Variants in TMTC2 observed in about 807,000 individuals in gnomAD.
TMTC2 encodes the protein transmembrane O-mannosyltransferase targeting cadherins 2.
TMTC2 carries 43 observed loss-of-function variants against 82.4 expected under a neutral mutation model. That is an observed-to-expected ratio of 0.52 (90% CI 0.41 to 0.67). TMTC2 has a LOEUF of 0.67. Ranked by LOEUF, TMTC2 falls within the 30% of genes least tolerant of loss-of-function variation. The probability of loss-of-function intolerance (pLI) is 0.00; values close to 1 mark genes in which losing one functional copy is unlikely to be tolerated. For synonymous variants in TMTC2, 408 were observed against 381.9 expected (o/e 1.07, Z -0.80); for missense variants, 919 against 1,012.4 (o/e 0.91, Z 1.25).
At chr12:82,804,673 C>T (rs1879161945) in intron 1 of TMTC2, among the ~76,000 whole-genome samples, 1 of 152,044 alleles carries the variant, frequency 6.6e-6, no homozygotes, top group Non-Finnish European at 1.5e-5. Context: ...ATTGACATGT[C>T]AGTTTTCAGA....
intron 11 of TMTC2, among the ~76,000 whole-genome samples, chr12:83,096,461 G>A (rs1884033393): frequency 6.6e-6 from 1 of 152,144 alleles, no homozygotes; most frequent in Admixed American, 6.5e-5. Flanking sequence ...CTGAGACAGG[G>A]TAATTTATAA....
Position 83,095,193 on chromosome 12 carries a change from G to C in TMTC2, c.2331+33362G>C, listed in dbSNP as rs139842096. On this transcript the variant is annotated intron_variant, in intron 11 of 11. Transcript: ENST00000321196. The stretch of plus-strand genomic sequence containing the variant: ...CTTAAGTTTGATGTGGGATATGAGG[G>C]AAAGAGAAAAGCCAAAATTTCATGG... 1.3e-4 allele frequency among the ~76,000 whole-genome samples: 19 copies of C among 151,604 alleles called. No homozygotes were observed. The East Asian group carries it at 3.3e-3, about 26-fold the overall frequency.
intron 11 of TMTC2, among the ~76,000 whole-genome samples, chr12:83,089,839 AC>A (rs1316836982): frequency 5.5e-5 from 8 of 144,238 alleles, no homozygotes; most frequent in African/African-American, 1.7e-4. Context: ...AAAACAAAAA[AC>A]AAAAAACAAA....
intron 7 of TMTC2, among the ~76,000 whole-genome samples, 174 bp from the exon 8 acceptor site, chr12:82,985,751 G>A (rs1879126609): frequency 6.6e-6 from 1 of 152,128 alleles, no homozygotes; most frequent in Admixed American, 6.6e-5. Context: ...TTTTTCATCT[G>A]TAAAATGGGA....
At position 82,709,461 on chromosome 12, in the gene TMTC2, G is replaced by A. The variant is rs547865300; in HGVS notation, c.83+21792G>A. On this transcript the variant is annotated intron_variant, in intron 1 of 11. Transcript: ENST00000321196. ...ATTTGAAAAATGACTAATTTTATAT[G>A]CATGTGAAATGAAATTGTAAGTCCT... 4.6e-5 allele frequency among the ~76,000 whole-genome samples: 7 copies of A among 152,238 alleles called. No individual in the cohort carries two copies. In the East Asian group the frequency reaches 1.3e-3, roughly 29 times the overall value.
chr12:82,713,677 C>G (rs535373494), intron 1 of TMTC2, among the ~76,000 whole-genome samples: 2 of 152,190 alleles, frequency 1.3e-5, no homozygotes, highest in Non-Finnish European at 2.9e-5. Flanking sequence ...CCCACTGGGT[C>G]CCTCCCACAA....
At chr12:82,707,995 GA>G (rs1873446180) in intron 1 of TMTC2, among the ~76,000 whole-genome samples, 1 of 152,166 alleles carries the variant, frequency 6.6e-6, no homozygotes, top group Admixed American at 6.5e-5. Flanking sequence ...GTTTGTGTTG[GA>G]TTATTATCTG....
intron 1 of TMTC2, among the ~76,000 whole-genome samples, chr12:82,842,913 A>G (rs761410284): frequency 6.6e-6 from 1 of 152,108 alleles, no homozygotes; most frequent in Non-Finnish European, 1.5e-5. Flanking sequence ...TAAAGATCCT[A>G]TCTACAAATA....
At chr12:82,862,508 T>C (rs1871602422) in intron 2 of TMTC2, among the ~76,000 whole-genome samples, 1 of 152,246 alleles carries the variant, frequency 6.6e-6, no homozygotes, top group Non-Finnish European at 1.5e-5. Flanking sequence ...TTTGATGTTT[T>C]TAAAATTTCT....
chr12:82,945,794 G>T (rs1876961703), intron 4 of TMTC2, among the ~76,000 whole-genome samples: 1 of 152,056 alleles, frequency 6.6e-6, no homozygotes, highest in Non-Finnish European at 1.5e-5. Context: ...TAGTAATATT[G>T]TCTTTCACTT....
intron 11 of TMTC2, among the ~76,000 whole-genome samples, chr12:83,100,402 A>T (rs10735461): frequency 0.76 from 115,126 of 151,818 alleles, 43,666 homozygotes; most frequent in East Asian, 0.83. Context: ...TTGTTTTTTG[A>T]TTGTTTGTCT....
chr12:82,961,111 T>C (rs896972295), intron 4 of TMTC2, among the ~76,000 whole-genome samples: 1 of 151,560 alleles, frequency 6.6e-6, no homozygotes, highest in African/African-American at 2.4e-5. Flanking sequence ...ATATCCTACC[T>C]CTTAAGATTA....
intron 3 of TMTC2, among the ~76,000 whole-genome samples, chr12:82,929,819 C>T (rs558699104): frequency 8.5e-5 from 13 of 152,148 alleles, no homozygotes; most frequent in African/African-American, 3.1e-4. Flanking sequence ...ACAAAGGGTA[C>T]ACAGAAAATA....
intron 9 of TMTC2, among the ~76,000 whole-genome samples, chr12:83,045,220 T>TA (rs1330637541): frequency 6.6e-6 from 1 of 152,210 alleles, no homozygotes; most frequent in African/African-American, 2.4e-5. Context: ...CTTCCTTATT[T>TA]TATATCATCT....
intron 8 of TMTC2, among the ~76,000 whole-genome samples, chr12:83,000,477 C>T (rs1395008038): frequency 2.0e-5 from 3 of 152,194 alleles, no homozygotes; most frequent in East Asian, 3.9e-4. Context: ...TCCTTTGAAT[C>T]TATGTCTCAC....
intron 9 of TMTC2, among the ~76,000 whole-genome samples, chr12:83,045,727 G>GGGCACACACACACACACACACACACA (rs1437284307): frequency 1.4e-5 from 2 of 142,538 alleles, no homozygotes; most frequent in African/African-American, 5.3e-5. Context: ...ACACACACAC[G>GGGCACACACACACACACACACACACA]CACACACACA....
intron 1 of TMTC2, among the ~76,000 whole-genome samples, chr12:82,744,560 G>A (rs890089385): frequency 5.1e-5 from 7 of 136,422 alleles, no homozygotes; most frequent in Non-Finnish European, 1.5e-5. Flanking sequence ...ACTCCAGCCT[G>A]GGCGACAGAG....
chr12:82,786,792 G>A (rs1322786540), intron 1 of TMTC2, among the ~76,000 whole-genome samples: 1 of 152,108 alleles, frequency 6.6e-6, no homozygotes, highest in African/African-American at 2.4e-5. Context: ...TTGGGGTACT[G>A]TGAAGTCGGA....
intron 11 of TMTC2, among the ~76,000 whole-genome samples, chr12:83,127,547 C>T (rs944692318): frequency 1.3e-5 from 2 of 152,104 alleles, no homozygotes; most frequent in African/African-American, 2.4e-5. Context: ...CCACTCAGTT[C>T]GTCTTTTCGG....
Sources: allele counts gnomAD v4.1 joint callset (sites outside exome capture counted in the v4.1 genomes callset), GRCh38; gene constraint gnomAD v4.1.1; transcripts MANE v1.5; gene names NCBI Gene and HGNC (gene_info 2026-07-23, HGNC 2026-07-21).